Variants in TOP6BL observed in about 807,000 individuals in gnomAD.
TOP6BL encodes type 2 DNA topoisomerase 6 subunit B-like.
At chr11:66,823,113 G>C in the TOP6BL span, among the ~76,000 whole-genome samples, 2 of 151,998 alleles carry the variant, frequency 1.3e-5, no homozygotes, top group Non-Finnish European at 2.9e-5. Context: ...TGACCAACAT[G>C]GTGAAATCCT....
the TOP6BL span, among the ~76,000 whole-genome samples, chr11:66,808,354 G>C: frequency 2.0e-5 from 3 of 152,206 alleles, no homozygotes; most frequent in South Asian, 6.2e-4. Context: ...GGGAAACACA[G>C]TGAGACCCCC....
the TOP6BL span, among the ~76,000 whole-genome samples, chr11:66,828,970 T>G: frequency 3.6e-4 from 52 of 142,806 alleles, no homozygotes; most frequent in African/African-American, 1.2e-3. Flanking sequence ...GTGTGTGTGT[T>G]TTTTGTTTTT....
At chr11:66,746,996 A>C in the TOP6BL span, among the ~76,000 whole-genome samples, 161 of 151,388 alleles carry the variant, frequency 1.1e-3, no homozygotes, top group Non-Finnish European at 1.7e-3. Context: ...GAGCGCAGTG[A>C]CCCAATCTTG....
At chr11:66,821,042 A>T in the TOP6BL span, among the ~76,000 whole-genome samples, 2 of 152,166 alleles carry the variant, frequency 1.3e-5, no homozygotes, top group South Asian at 4.1e-4. Flanking sequence ...ATCCTCGCTC[A>T]TGGTTAATCC....
the TOP6BL span, among the ~76,000 whole-genome samples, chr11:66,781,229 AT>A: frequency 6.6e-6 from 1 of 151,848 alleles, no homozygotes; most frequent in Non-Finnish European, 1.5e-5. Flanking sequence ...TTCTAAGACT[AT>A]TCATTTTTCT....
At chr11:66,799,415 G>C in the TOP6BL span, among the ~76,000 whole-genome samples, 1 of 150,658 alleles carries the variant, frequency 6.6e-6, no homozygotes, top group South Asian at 2.1e-4. Flanking sequence ...TCTTTTTCCT[G>C]GCTGAGCACG....
At chr11:66,745,314 T>TGGGGGGGGGGGGGGGGGG in the TOP6BL span, among the ~76,000 whole-genome samples, 3 of 111,048 alleles carry the variant, frequency 2.7e-5, no homozygotes, top group African/African-American at 1.1e-4. Flanking sequence ...CGGGGCGGGG[T>TGGGGGGGGGGGGGGGGGG]GGGGGGAGTC....
chr11:66,801,029 AGG>A, the TOP6BL span: 1 of 1,613,700 alleles, frequency 6.2e-7, no homozygotes. Context: ...TTTGCTTTGC[AGG>A]GTGGAGAATG....
chr11:66,754,149 T>C, the TOP6BL span, among the ~76,000 whole-genome samples: 1 of 152,228 alleles, frequency 6.6e-6, no homozygotes, highest in Admixed American at 6.5e-5. Context: ...ATTGTCACAA[T>C]GATGCACCTG....
At chr11:66,812,349 TG>T in the TOP6BL span, among the ~76,000 whole-genome samples, 5 of 152,136 alleles carry the variant, frequency 3.3e-5, no homozygotes, top group South Asian at 2.1e-4. Flanking sequence ...GCTAATTTTT[TG>T]TATTTTTAGT....
the TOP6BL span, chr11:66,758,429 A>C: frequency 6.9e-6 from 1 of 144,914 alleles, no homozygotes; most frequent in African/African-American, 2.6e-5. Context: ...CCCCTGCCTC[A>C]GCCTCCTGAG....
the TOP6BL span, chr11:66,813,788 G>A: frequency 4.4e-6 from 6 of 1,365,192 alleles, no homozygotes; most frequent in East Asian, 6.9e-5. Context: ...AACCAGGTCA[G>A]TGTTGTTTGT....
the TOP6BL span, among the ~76,000 whole-genome samples, chr11:66,837,334 A>G: frequency 2.0e-5 from 3 of 151,492 alleles, no homozygotes; most frequent in Non-Finnish European, 2.9e-5. Flanking sequence ...TCACTGTGTT[A>G]GCCAGGATGG....
At chr11:66,834,595 T>G in the TOP6BL span, among the ~76,000 whole-genome samples, 32 of 152,224 alleles carry the variant, frequency 2.1e-4, no homozygotes, top group East Asian at 6.2e-3. Context: ...ATTGAGAAAC[T>G]GAAAAAATGA....
chr11:66,833,533 G>A, the TOP6BL span, among the ~76,000 whole-genome samples: 6 of 152,126 alleles, frequency 3.9e-5, no homozygotes, highest in African/African-American at 1.4e-4. Context: ...TCAGGGTAAG[G>A]CATGTGCTGT....
the TOP6BL span, chr11:66,843,373 G>C: frequency 1.2e-5 from 17 of 1,438,428 alleles, no homozygotes; most frequent in Non-Finnish European, 1.4e-5. Flanking sequence ...GGGCGGGGCG[G>C]GGCGTGGAGC....
chr11:66,782,569 T>A, the TOP6BL span, among the ~76,000 whole-genome samples: 1 of 152,070 alleles, frequency 6.6e-6, no homozygotes, highest in Non-Finnish European at 1.5e-5. Flanking sequence ...GGGTTCCATG[T>A]CCCTGTTCTG....
At chr11:66,814,812 GT>G in the TOP6BL span, among the ~76,000 whole-genome samples, 7 of 152,294 alleles carry the variant, frequency 4.6e-5, no homozygotes, top group African/African-American at 1.7e-4. Context: ...AATGCAAGAT[GT>G]AATAGTATTA....
At chr11:66,805,026 C>G in the TOP6BL span, among the ~76,000 whole-genome samples, 14 of 151,978 alleles carry the variant, frequency 9.2e-5, no homozygotes, top group African/African-American at 3.1e-4. Flanking sequence ...GAGATCGCAG[C>G]CACTGCACTC....
Sources: allele counts gnomAD v4.1 joint callset (sites outside exome capture counted in the v4.1 genomes callset), GRCh38; gene constraint gnomAD v4.1.1; transcripts MANE v1.5; gene names NCBI Gene and HGNC (gene_info 2026-07-23, HGNC 2026-07-21).